TLN2: variants seen among roughly 807,000 people sequenced by gnomAD.
The protein encoded by TLN2 is talin-2.
Under a neutral mutation model 294.7 loss-of-function variants are expected in TLN2, and 118 were observed. That is an observed-to-expected ratio of 0.40 (90% CI 0.34 to 0.47). TLN2 has a LOEUF of 0.47. TLN2 is among the 20% of genes least tolerant of loss of function. TLN2 has a pLI of 0.84. For synonymous variants in TLN2, 1,431 were observed against 1,304.5 expected (o/e 1.10, Z -2.09); for missense variants, 3,083 against 3,282.2 (o/e 0.94, Z 1.48).
intron 35 of TLN2, among the ~76,000 whole-genome samples, chr15:62,753,083 ATTCCT>A (rs1265087145): frequency 1.3e-5 from 2 of 152,282 alleles, no homozygotes; most frequent in East Asian, 3.9e-4. Context: ...TAAGATCAAA[ATTCCT>A]ATGCACAGAT....
At chr15:62,768,807 C>G (rs2063176434) in intron 41 of TLN2, among the ~76,000 whole-genome samples, 2 of 152,256 alleles carry the variant, frequency 1.3e-5, no homozygotes, top group South Asian at 4.1e-4. Context: ...CTAGCCTTTA[C>G]TGAGTACTTC....
chr15:62,413,383 G>T (rs1188418460), intron 1 of TLN2, among the ~76,000 whole-genome samples: 1 of 152,164 alleles, frequency 6.6e-6, no homozygotes, highest in East Asian at 1.9e-4. Flanking sequence ...TGCTGGCCCT[G>T]CCCCCACCCC....
intron 3 of TLN2, among the ~76,000 whole-genome samples, chr15:62,622,316 G>A (rs1191486390): frequency 6.6e-6 from 1 of 152,196 alleles, no homozygotes; most frequent in Non-Finnish European, 1.5e-5. Context: ...GAGTGTGTGT[G>A]TGTATCTGTA....
At chr15:62,561,779 C>T (rs1054376388) in intron 1 of TLN2, among the ~76,000 whole-genome samples, 4 of 152,156 alleles carry the variant, frequency 2.6e-5, no homozygotes, top group Admixed American at 2.6e-4. Context: ...TCCCTGGGCC[C>T]AGCCAGTTGA....
chr15:62,724,436 T>C (rs1164129507), intron 26 of TLN2, among the ~76,000 whole-genome samples: 2 of 152,264 alleles, frequency 1.3e-5, no homozygotes, highest in African/African-American at 4.8e-5. Flanking sequence ...AGATCAGTGT[T>C]ATACGTGACC....
intron 9 of TLN2, among the ~76,000 whole-genome samples, chr15:62,663,876 G>T (rs1006602605): frequency 7.9e-5 from 12 of 151,950 alleles, no homozygotes; most frequent in African/African-American, 2.9e-4. Flanking sequence ...TTCAATTCCA[G>T]TCACTTACAT....
At chr15:62,543,705 A>G (rs1251574018) in intron 1 of TLN2, among the ~76,000 whole-genome samples, 2 of 151,118 alleles carry the variant, frequency 1.3e-5, no homozygotes, top group Admixed American at 6.6e-5. Context: ...CAGTGAGCCA[A>G]GATCGTGCCA....
At chr15:62,403,980 C>T (rs572693588) in intron 1 of TLN2, among the ~76,000 whole-genome samples, 1 of 152,166 alleles carries the variant, frequency 6.6e-6, no homozygotes, top group Non-Finnish European at 1.5e-5. Context: ...CAAGTGCCTG[C>T]AAGAATGCCT....
At chr15:62,469,874 G>A (rs887423677) in intron 1 of TLN2, among the ~76,000 whole-genome samples, 8 of 152,084 alleles carry the variant, frequency 5.3e-5, no homozygotes, top group East Asian at 1.9e-4. Flanking sequence ...AAAACATCCC[G>A]GTGGATTTTG....
At chr15:62,604,658 C>T (rs1596317234) in intron 2 of TLN2, among the ~76,000 whole-genome samples, 1 of 147,776 alleles carries the variant, frequency 6.8e-6, no homozygotes. Flanking sequence ...GGAAGGAGGC[C>T]GTGGGAGTGG....
At chr15:62,462,574 C>G (rs1215832305) in intron 1 of TLN2, among the ~76,000 whole-genome samples, 1 of 152,274 alleles carries the variant, frequency 6.6e-6, no homozygotes, top group African/African-American at 2.4e-5. Flanking sequence ...ATGTTAGCAT[C>G]TTGGGGATGG....
intron 28 of TLN2, among the ~76,000 whole-genome samples, chr15:62,736,637 CA>C (rs146879633): frequency 0.021 from 3,136 of 152,278 alleles, 120 homozygotes; most frequent in African/African-American, 0.072. Flanking sequence ...CAAGGGAAGT[CA>C]GGGGGAAGAA....
intron 3 of TLN2, among the ~76,000 whole-genome samples, chr15:62,631,579 T>G (rs2049873424): frequency 6.8e-6 from 1 of 146,578 alleles, no homozygotes; most frequent in Non-Finnish European, 1.5e-5. Flanking sequence ...TTCCTTTCTT[T>G]CTCTCTCTTC....
At chr15:62,699,043 A>T (rs1004045638) in intron 16 of TLN2, among the ~76,000 whole-genome samples, 176 bp downstream of exon 16, 1 of 152,200 alleles carries the variant, frequency 6.6e-6, no homozygotes. Flanking sequence ...GGAGAGAATC[A>T]TAGGGTACTG....
chr15:62,413,848 T>C (rs1262346646), intron 1 of TLN2, among the ~76,000 whole-genome samples: 1 of 152,160 alleles, frequency 6.6e-6, no homozygotes, highest in Non-Finnish European at 1.5e-5. Context: ...AGTTCAGCAA[T>C]AGATTACACA....
chr15:62,766,755 C>T (rs570634235), intron 41 of TLN2, among the ~76,000 whole-genome samples: 2 of 152,208 alleles, frequency 1.3e-5, no homozygotes, highest in Non-Finnish European at 2.9e-5. Context: ...CACTCCTAGC[C>T]TGGAGTCTGC....
intron 1 of TLN2, among the ~76,000 whole-genome samples, chr15:62,461,970 C>G (rs948998474): frequency 6.6e-6 from 1 of 152,240 alleles, no homozygotes; most frequent in African/African-American, 2.4e-5. Flanking sequence ...GGCGTGGTGG[C>G]TCACGCCTGT....
intron 1 of TLN2, among the ~76,000 whole-genome samples, chr15:62,555,855 A>ACT (rs2042574154): frequency 1.3e-5 from 2 of 150,240 alleles, no homozygotes; most frequent in South Asian, 4.2e-4. Flanking sequence ...TAATGCTGTC[A>ACT]CTCTGTTTTT....
At chr15:62,639,305 G>C (rs548798361) in intron 3 of TLN2, among the ~76,000 whole-genome samples, 12 of 152,204 alleles carry the variant, frequency 7.9e-5, no homozygotes, top group African/African-American at 2.9e-4. Context: ...TGGGGACTGT[G>C]GTGGCCCTGC....
Sources: allele counts gnomAD v4.1 joint callset (sites outside exome capture counted in the v4.1 genomes callset), GRCh38; gene constraint gnomAD v4.1.1; transcripts MANE v1.5; gene names NCBI Gene and HGNC (gene_info 2026-07-23, HGNC 2026-07-21).